The following BRWD1 variants were observed in gnomAD, a reference collection of about 807,000 sequenced individuals.
BRWD1 encodes the protein bromodomain and WD repeat-containing protein 1.
A neutral mutation model predicts 251.2 loss-of-function variants in BRWD1; 82 were observed. That is an observed-to-expected ratio of 0.33 (90% CI 0.27 to 0.39). The LOEUF is 0.39. Ranked by LOEUF, BRWD1 falls within the 10% of genes least tolerant of loss-of-function variation. The pLI, the probability that BRWD1 is intolerant of heterozygous loss-of-function variation, is 1.00. For synonymous variants in BRWD1, 918 were observed against 902.8 expected, an observed-to-expected ratio of 1.02 and a Z score of -0.30; for missense variants, 2,233 against 2,711.6, an observed-to-expected ratio of 0.82 and a Z score of 3.92.
intron 4 of BRWD1, among the ~76,000 whole-genome samples, chr21:39,304,552 T>G (rs1438233464): frequency 1.3e-5 from 2 of 151,934 alleles, no homozygotes; most frequent in Non-Finnish European, 2.9e-5. Flanking sequence ...AGGTCAAAGC[T>G]GCAGTGTGCC....
At chr21:39,254,534 T>C (rs552366752) in intron 19 of BRWD1, among the ~76,000 whole-genome samples, 2 of 152,256 alleles carry the variant, frequency 1.3e-5, no homozygotes, top group South Asian at 2.1e-4. Context: ...CACACACACA[T>C]ACAAATTGGT....
At chr21:39,264,207 T>G (rs745520433) in intron 17 of BRWD1, among the ~76,000 whole-genome samples, 16 of 152,294 alleles carry the variant, frequency 1.1e-4, no homozygotes, top group Non-Finnish European at 2.1e-4. Flanking sequence ...AATAGTATTA[T>G]CTGAGTGTAA....
chr21:39,314,542 T>TGA (rs2036654281), upstream of BRWD1: 1 of 350,446 alleles, frequency 2.9e-6, no homozygotes, highest in Admixed American at 3.8e-5. Flanking sequence ...TAGTAGGATG[T>TGA]GAGGTTGGAG....
At chr21:39,217,845 T>A (rs2033018850) in intron 31 of BRWD1, among the ~76,000 whole-genome samples, 1 of 152,092 alleles carries the variant, frequency 6.6e-6, no homozygotes, top group Non-Finnish European at 1.5e-5. Flanking sequence ...TGTATGAGGA[T>A]AGAAAAATTC....
chr21:39,283,199 A>T (rs185273013), intron 8 of BRWD1, among the ~76,000 whole-genome samples: 2,313 of 152,276 alleles, frequency 0.015, 55 homozygotes, highest in African/African-American at 0.053. Flanking sequence ...CCGTGCTTAT[A>T]TAATTCTCTT....
intron 8 of BRWD1, among the ~76,000 whole-genome samples, chr21:39,285,518 G>T (rs1230165203): frequency 1.3e-5 from 2 of 152,064 alleles, no homozygotes; most frequent in Non-Finnish European, 2.9e-5. Flanking sequence ...CTTAGTGATG[G>T]ATATAATTAC....
At chr21:39,224,361 C>T (rs565491254) in intron 29 of BRWD1, 47 bp downstream of exon 29, 4 of 1,171,376 alleles carry the variant, frequency 3.4e-6, no homozygotes, top group African/African-American at 1.6e-5. Context: ...GGCAAATGTA[C>T]ATATTATAAA....
At chr21:39,271,564 G>C (rs1046318347) in intron 13 of BRWD1, among the ~76,000 whole-genome samples, 2 of 151,530 alleles carry the variant, frequency 1.3e-5, no homozygotes, top group African/African-American at 4.9e-5. Context: ...AGGCGTGGTG[G>C]TGGGCACCTG....
Position 39,191,319 on chromosome 21 carries a change from A to G in BRWD1, c.*4940T>C. On this transcript the variant is annotated 3_prime_UTR_variant, in exon 41 of 41. Transcript: ENST00000342449. Reference sequence around the variant, plus strand: ...TATTCTGCCTGCATGAAAAGAAATTACCAGTGGAAAAGAGGTTGGGGAACC... The same window carrying G: ...TATTCTGCCTGCATGAAAAGAAATTGCCAGTGGAAAAGAGGTTGGGGAACC... 1.0e-6 allele frequency: 1 copy of G among 985,352 alleles called. No homozygotes were observed. The highest frequency in any genetic ancestry group is 1.2e-6 in the Non-Finnish European group (1 of 829,896). 61.0% of individuals were successfully genotyped at this position (985,352 alleles called of 1,614,324 possible). A position where few individuals can be genotyped will look rare whatever the true frequency, so the allele number is the denominator to read the frequency against.
At position 39,194,541 on chromosome 21, in the gene BRWD1, TGAGAG is replaced by T; in HGVS notation, c.*1713_*1717del. 2.1e-6 allele frequency: 3 copies of T among 1,441,364 alleles called. No homozygotes were observed. Among genetic ancestry groups the T allele is most frequent in the Non-Finnish European group, 2.7e-6 (3 of 1,103,794 alleles). The allele number at this position is 1,441,364 out of a possible 1,614,324, so 89.3% of individuals were successfully genotyped here. ...TGGTGATAGCTCTCTAAGCCACAAATGAGAGGAGGTTTCCCACCTATCTCAGTTGA... is the reference window on the plus strand; with the variant it reads ...TGGTGATAGCTCTCTAAGCCACAAATGAGGTTTCCCACCTATCTCAGTTGA... On this transcript the variant is annotated 3_prime_UTR_variant, in exon 41 of 41. Coordinates refer to ENST00000342449, the MANE Select transcript of BRWD1 (RefSeq NM_033656.4).
At chr21:39,305,499 G>A (rs778976044) in intron 4 of BRWD1, among the ~76,000 whole-genome samples, 4 of 152,112 alleles carry the variant, frequency 2.6e-5, no homozygotes, top group African/African-American at 4.8e-5. Context: ...GGCCAAGGTC[G>A]GTGGATCACC....
At chr21:39,279,663 A>AAAAAAG (rs2035393806) in intron 9 of BRWD1, among the ~76,000 whole-genome samples, 1 of 90,530 alleles carries the variant, frequency 1.1e-5, no homozygotes, top group Non-Finnish European at 3.3e-5. Context: ...AAAAGAAAAA[A>AAAAAAG]AAAAAGAAAA....
chr21:39,265,112 A>T, intron 15 of BRWD1, 93 bp from the exon 16 acceptor site: 3 of 1,255,930 alleles, frequency 2.4e-6, no homozygotes, highest in Non-Finnish European at 3.2e-6. Context: ...GTGACAATAT[A>T]TCCCTTCTGA....
intron 29 of BRWD1, among the ~76,000 whole-genome samples, chr21:39,220,246 A>G (rs2033122358): frequency 6.6e-6 from 1 of 152,174 alleles, no homozygotes; most frequent in South Asian, 2.1e-4. Context: ...AAATGACAGG[A>G]AGCCAGGAAA....
chr21:39,276,542 G>C (rs907320027), intron 11 of BRWD1, among the ~76,000 whole-genome samples: 1 of 152,094 alleles, frequency 6.6e-6, no homozygotes, highest in Non-Finnish European at 1.5e-5. Context: ...TCAAAATATA[G>C]GCTTTAAAGT....
intron 11 of BRWD1, among the ~76,000 whole-genome samples, chr21:39,276,730 C>T (rs1255723833): frequency 6.9e-6 from 1 of 143,960 alleles, no homozygotes; most frequent in South Asian, 2.3e-4. Flanking sequence ...TTATTAAAAT[C>T]ACATTCTTAT....
At chr21:39,293,074 T>A (rs1023024407) in intron 8 of BRWD1, among the ~76,000 whole-genome samples, 2 of 152,196 alleles carry the variant, frequency 1.3e-5, no homozygotes, top group African/African-American at 4.8e-5. Context: ...AGGTACAAGA[T>A]GAAGCAGTTA....
At chr21:39,271,122 G>A (rs1012178780) in intron 13 of BRWD1, among the ~76,000 whole-genome samples, 26 of 151,750 alleles carry the variant, frequency 1.7e-4, no homozygotes, top group African/African-American at 5.8e-4. Flanking sequence ...GTGAAACCCC[G>A]TCTCTACTAA....
chr21:39,208,309 G>A (rs1197632923), intron 36 of BRWD1, among the ~76,000 whole-genome samples: 4 of 152,112 alleles, frequency 2.6e-5, no homozygotes, highest in Non-Finnish European at 5.9e-5. Flanking sequence ...TGGTGACTTT[G>A]ACAAAAATCC....
Sources: allele counts gnomAD v4.1 joint callset (sites outside exome capture counted in the v4.1 genomes callset), GRCh38; gene constraint gnomAD v4.1.1; transcripts MANE v1.5; gene names NCBI Gene and HGNC (gene_info 2026-07-23, HGNC 2026-07-21).